Variants in SFMBT2 observed in about 807,000 individuals in gnomAD.
The protein encoded by SFMBT2 is scm-like with four MBT domains protein 2.
A neutral mutation model predicts 110.1 loss-of-function variants in SFMBT2; 38 were observed. That is an observed-to-expected ratio of 0.35 (90% CI 0.27 to 0.45). The LOEUF (loss-of-function observed/expected upper bound fraction) is 0.45, where lower values mean the gene tolerates loss of function less well. Among genes scored for constraint, SFMBT2 ranks in the 20% least tolerant of loss-of-function variants. The pLI is 1.00. For synonymous variants in SFMBT2, 425 were observed against 425.4 expected (o/e 1.00, Z 0.01); for missense variants, 1,011 against 1,094.9 (o/e 0.92, Z 1.08).
At chr10:7,388,524 A>ATTTT (rs60231769) in intron 1 of SFMBT2, among the ~76,000 whole-genome samples, 12 of 112,092 alleles carry the variant, frequency 1.1e-4, no homozygotes, top group African/African-American at 2.5e-4. Context: ...TACCCAGCTA[A>ATTTT]TTTTTTTTTT....
chr10:7,167,010 T>G (rs1393621347), intron 20 of SFMBT2, among the ~76,000 whole-genome samples: 3 of 152,190 alleles, frequency 2.0e-5, no homozygotes, highest in Non-Finnish European at 2.9e-5. Context: ...ATCAATGGAC[T>G]AATTGTAAAG....
intron 4 of SFMBT2, among the ~76,000 whole-genome samples, chr10:7,324,878 T>C (rs1843328759): frequency 6.6e-6 from 1 of 151,900 alleles, no homozygotes; most frequent in Admixed American, 6.6e-5. Flanking sequence ...AGGTGCCTCT[T>C]CTTTTAAGGA....
At chr10:7,320,693 T>A in intron 4 of SFMBT2, 1 of 826,998 alleles carries the variant, frequency 1.2e-6, no homozygotes, top group Non-Finnish European at 1.5e-6. Context: ...AAGTAAAGTT[T>A]AAAGAGTCTA....
chr10:7,289,358 G>C (rs1473836564), intron 4 of SFMBT2, among the ~76,000 whole-genome samples: 1 of 152,230 alleles, frequency 6.6e-6, no homozygotes, highest in Non-Finnish European at 1.5e-5. Flanking sequence ...CAAGTTAACA[G>C]TTAAGTGAAA....
At chr10:7,396,227 C>T (rs918540533) in intron 1 of SFMBT2, among the ~76,000 whole-genome samples, 4 of 152,098 alleles carry the variant, frequency 2.6e-5, no homozygotes, top group Non-Finnish European at 5.9e-5. Context: ...ACAGCCTGGG[C>T]GACAGAGCGA....
rs556925354 is a variant in SFMBT2 at position 7,377,046 on chromosome 10, G to A, written c.100+4753C>T. Among the ~76,000 whole-genome samples, 8 of 151,466 alleles carry A rather than the reference G, an allele frequency of 5.3e-5. No individual in the cohort carries two copies. The South Asian group carries it at 1.7e-3, about 32-fold the overall frequency. Reference sequence around the variant, plus strand: ...TAGCTGGGCATGGTGGCGGGCACCTGTAGTCCCAGCTACTTGGGAGGCTGA... The same window carrying A: ...TAGCTGGGCATGGTGGCGGGCACCTATAGTCCCAGCTACTTGGGAGGCTGA... On this transcript the variant is annotated intron_variant, in intron 2 of 20. Transcript: ENST00000397167.
chr10:7,174,508 T>C (rs1210194049), intron 17 of SFMBT2, among the ~76,000 whole-genome samples: 1 of 152,234 alleles, frequency 6.6e-6, no homozygotes. Context: ...CTGTTCAGCC[T>C]TTAGTAACAT....
intron 4 of SFMBT2, among the ~76,000 whole-genome samples, chr10:7,366,151 A>T (rs542930066): frequency 6.6e-6 from 1 of 152,302 alleles, no homozygotes; most frequent in East Asian, 1.9e-4. Flanking sequence ...GGATGCGGAA[A>T]GGAAGGAGGT....
At chr10:7,284,521 A>AGAAGAGTTCTACCCAAATTTGCCTGGAC in intron 5 of SFMBT2, 1 of 608,746 alleles carries the variant, frequency 1.6e-6, no homozygotes, top group Non-Finnish European at 2.1e-6. Context: ...GTGGTAGCAA[A>AGAAGAGTTCTACCCAAATTTGCCTGGAC]CGGTCTACTT....
chr10:7,387,342 T>C (rs562009574), intron 1 of SFMBT2, among the ~76,000 whole-genome samples: 29 of 152,188 alleles, frequency 1.9e-4, no homozygotes, highest in Non-Finnish European at 2.5e-4. Context: ...TGTGTATTAA[T>C]GGAACATCTG....
chr10:7,176,625 C>T, intron 16 of SFMBT2: 1 of 421,780 alleles, frequency 2.4e-6, no homozygotes, highest in Non-Finnish European at 3.2e-6. Flanking sequence ...ATATCTTTGT[C>T]AAGACTGTGT....
chr10:7,324,693 G>T (rs995222478), intron 4 of SFMBT2, among the ~76,000 whole-genome samples: 3 of 152,170 alleles, frequency 2.0e-5, no homozygotes, highest in Admixed American at 2.0e-4. Flanking sequence ...AAACAGAAAC[G>T]TATCTCACAG....
intron 10 of SFMBT2, among the ~76,000 whole-genome samples, chr10:7,223,402 T>A (rs926677268): frequency 2.0e-5 from 3 of 152,194 alleles, no homozygotes; most frequent in African/African-American, 7.2e-5. Context: ...TGAGCATGTT[T>A]TTTTGTGATC....
intron 4 of SFMBT2, among the ~76,000 whole-genome samples, chr10:7,289,233 A>G (rs1176131697): frequency 6.6e-6 from 1 of 152,216 alleles, no homozygotes; most frequent in Non-Finnish European, 1.5e-5. Context: ...TTACAAAAGA[A>G]GAACAATTAT....
chr10:7,304,383 CTG>C (rs372204278), intron 4 of SFMBT2, among the ~76,000 whole-genome samples: 1,565 of 152,322 alleles, frequency 0.01, 14 homozygotes, highest in Non-Finnish European at 0.015. Flanking sequence ...CCATGTGGAA[CTG>C]TGAGTCCATT....
At chr10:7,214,474 G>A (rs189962005) in intron 11 of SFMBT2, 58 of 776,792 alleles carry the variant, frequency 7.5e-5, no homozygotes, top group Non-Finnish European at 8.0e-5. Context: ...GCAGAGTGAC[G>A]CATTTCTTAA....
intron 4 of SFMBT2, among the ~76,000 whole-genome samples, chr10:7,337,289 A>G (rs1340102045): frequency 6.6e-6 from 1 of 152,238 alleles, no homozygotes; most frequent in Non-Finnish European, 1.5e-5. Context: ...GCATGAGGAC[A>G]GGGTTTCTTT....
rs546527666 is a variant in SFMBT2 at position 7,405,506 on chromosome 10, T to A, written c.-52+5355A>T. ...ACCTCACTTAACAATAGCACTTTAC[T>A]CTGCAGCAGGGACCCACAGCTCAGC... On this transcript the variant is annotated intron_variant, in intron 1 of 20. Transcript: ENST00000397167. Among the ~76,000 whole-genome samples the A allele has an allele frequency of 1.2e-3, 181 of 152,304 alleles. 1 individual carries two copies. Among genetic ancestry groups the A allele is most frequent in the African/African-American group, 3.7e-3 (155 of 41,564 alleles).
At chr10:7,341,879 T>C (rs1843915973) in intron 4 of SFMBT2, among the ~76,000 whole-genome samples, 1 of 151,964 alleles carries the variant, frequency 6.6e-6, no homozygotes, top group South Asian at 2.1e-4. Context: ...TATGTTTGAG[T>C]TTCCCATAAT....
Sources: gnomAD v4.1 joint callset for allele counts (sites outside exome capture counted in the v4.1 genomes callset) on GRCh38, gnomAD v4.1.1 for gene constraint, MANE v1.5 for transcripts, NCBI Gene and HGNC (gene_info 2026-07-23, HGNC 2026-07-21) for gene names.